LRRC8B: variants seen among roughly 807,000 people sequenced by gnomAD.
The protein encoded by LRRC8B is volume-regulated anion channel subunit LRRC8B.
In LRRC8B, 23 loss-of-function variants were observed where a neutral mutation model predicts 58.8. The observed-to-expected ratio is 0.39, with a 90% CI of 0.28 to 0.55. LRRC8B has a LOEUF of 0.55. Among genes scored for constraint, LRRC8B ranks in the 20% least tolerant of loss-of-function variants. The probability of loss-of-function intolerance (pLI) is 0.62; values close to 1 mark genes in which losing one functional copy is unlikely to be tolerated. For missense variants in LRRC8B, 694 were observed against 936.0 expected, an observed-to-expected ratio of 0.74 and a Z score of 3.37; for synonymous variants, 359 against 374.1, an observed-to-expected ratio of 0.96 and a Z score of 0.47.
intron 1 of LRRC8B, among the ~76,000 whole-genome samples, chr1:89,552,221 A>G (rs1419362781): frequency 6.6e-6 from 1 of 152,166 alleles, no homozygotes; most frequent in Non-Finnish European, 1.5e-5. Context: ...AGCTTACTCA[A>G]ATCCTGCTTA....
intron 4 of LRRC8B, among the ~76,000 whole-genome samples, chr1:89,581,358 AATG>A (rs1006070956): frequency 1.3e-5 from 2 of 152,012 alleles, no homozygotes; most frequent in African/African-American, 4.8e-5. Flanking sequence ...GCCCAGAATA[AATG>A]ATAAGACTTC....
intron 1 of LRRC8B, among the ~76,000 whole-genome samples, chr1:89,565,422 C>T (rs1230148819): frequency 6.6e-6 from 1 of 152,160 alleles, no homozygotes; most frequent in Non-Finnish European, 1.5e-5. Flanking sequence ...GACAGCAGTT[C>T]CCCATTCAGA....
At chr1:89,560,981 G>A (rs1435161455) in intron 1 of LRRC8B, among the ~76,000 whole-genome samples, 32 of 150,270 alleles carry the variant, frequency 2.1e-4, no homozygotes, top group Non-Finnish European at 3.6e-4. Flanking sequence ...CACAATGGTT[G>A]AACTAGTTTA....
At chr1:89,579,413 T>G (rs1407425986) in intron 3 of LRRC8B, among the ~76,000 whole-genome samples, 178 bp from the exon 4 acceptor site, 1 of 152,180 alleles carries the variant, frequency 6.6e-6, no homozygotes, top group Non-Finnish European at 1.5e-5. Context: ...GCACAGTGGC[T>G]CACACCTGTA....
intron 3 of LRRC8B, among the ~76,000 whole-genome samples, chr1:89,570,337 A>G (rs944015976): frequency 2.0e-5 from 3 of 152,212 alleles, no homozygotes; most frequent in African/African-American, 4.8e-5. Flanking sequence ...CACTCTCACC[A>G]ACAGTGTATA....
intron 1 of LRRC8B, among the ~76,000 whole-genome samples, chr1:89,545,139 C>A (rs1424130710): frequency 6.6e-6 from 1 of 152,132 alleles, no homozygotes. Context: ...TTCTTAATCC[C>A]ATCTGATCTC....
At chr1:89,547,765 A>AGCCTT (rs879466383) in intron 1 of LRRC8B, among the ~76,000 whole-genome samples, 1 of 148,452 alleles carries the variant, frequency 6.7e-6, no homozygotes, top group Non-Finnish European at 1.5e-5. Context: ...AATCCACTAG[A>AGCCTT]GCCTTCCCAA....
intron 5 of LRRC8B, among the ~76,000 whole-genome samples, chr1:89,585,608 T>C (rs376701750): frequency 2.0e-5 from 3 of 152,194 alleles, no homozygotes; most frequent in African/African-American, 7.2e-5. Context: ...ATTCCTCTAC[T>C]TGAAAATGGG....
intron 1 of LRRC8B, among the ~76,000 whole-genome samples, chr1:89,525,619 A>T (rs917526185): frequency 2.0e-5 from 3 of 152,220 alleles, no homozygotes; most frequent in African/African-American, 4.8e-5. Flanking sequence ...TTTAAGAAGA[A>T]GACTCAAGAG....
intron 1 of LRRC8B, among the ~76,000 whole-genome samples, chr1:89,543,973 A>T (rs1651216326): frequency 6.6e-6 from 1 of 151,330 alleles, no homozygotes; most frequent in Non-Finnish European, 1.5e-5. Context: ...ATTATTAATT[A>T]TTTGTAGAGA....
chr1:89,588,160 G>A (rs2101089489), intron 5 of LRRC8B: 1 of 152,286 alleles, frequency 6.6e-6, no homozygotes, highest in East Asian at 1.9e-4. Context: ...AGACTCATAA[G>A]GTAGGGAATT....
In LRRC8B at chr1:89,578,018, A is replaced by G. The variant is rs146258855; in HGVS notation, c.-124-1573A>G. ...GGACCTAAGTTCCAGTTGCAACTTTATTTCTTAGAGGTTTTGTCACCTTGG... is the reference window on the plus strand; with the variant it reads ...GGACCTAAGTTCCAGTTGCAACTTTGTTTCTTAGAGGTTTTGTCACCTTGG... On this transcript the variant is annotated intron_variant, in intron 3 of 5. Coordinates refer to ENST00000330947, the MANE Select transcript of LRRC8B (RefSeq NM_001369817.2). 1.5e-3 allele frequency among the ~76,000 whole-genome samples: 223 copies of G among 152,256 alleles called. 2 individuals are homozygous for G. Among genetic ancestry groups the G allele is most frequent in the African/African-American group, 4.7e-3 (195 of 41,556 alleles).
chr1:89,566,684 C>CA (rs756085421), intron 1 of LRRC8B, among the ~76,000 whole-genome samples: 2 of 152,180 alleles, frequency 1.3e-5, no homozygotes, highest in Non-Finnish European at 2.9e-5. Context: ...TTGTGCACTA[C>CA]AAAAAAGTTT....
At chr1:89,525,181 A>C (rs985791978) in intron 1 of LRRC8B, among the ~76,000 whole-genome samples, 159 bp downstream of exon 1, 5 of 152,234 alleles carry the variant, frequency 3.3e-5, no homozygotes, top group African/African-American at 1.2e-4. Flanking sequence ...GCGGGCCGGT[A>C]GCGCGGCTGC....
intron 5 of LRRC8B, among the ~76,000 whole-genome samples, 188 bp from the exon 6 acceptor site, chr1:89,592,583 C>T (rs1655051079): frequency 6.6e-6 from 1 of 152,112 alleles, no homozygotes; most frequent in African/African-American, 2.4e-5. Flanking sequence ...GTCCTCACTC[C>T]TCATTGTACT....
chr1:89,564,751 A>G (rs1416647283), intron 1 of LRRC8B, among the ~76,000 whole-genome samples: 2 of 152,214 alleles, frequency 1.3e-5, no homozygotes, highest in Admixed American at 6.5e-5. Flanking sequence ...TAATAGAACT[A>G]TCAGTATTCC....
rs1234105982 is a variant in LRRC8B at position 89,592,977 on chromosome 1, G to C, written c.2346G>C (p.Glu782Asp). ...SLKRNCLIVE[E>D]NLLNTLPLPV... is the part of the protein sequence containing the mutation. Reference sequence around the variant, plus strand: ...AACGGAACTGTCTGATTGTTGAGGAGAACTTGCTCAATACTCTTCCTCTCC... The same window carrying C: ...AACGGAACTGTCTGATTGTTGAGGACAACTTGCTCAATACTCTTCCTCTCC... The change falls in exon 6 of 6, where the codon GAG (glutamate) becomes GAC (aspartate). Residue 782 changes from glutamate to aspartate, a missense_variant. Physicochemically the swap from Glu to Asp is conservative, Grantham distance 45 (BLOSUM62 2). Coordinates refer to ENST00000330947, the MANE Select transcript of LRRC8B (RefSeq NM_001369817.2). The C allele has an allele frequency of 9.3e-6, 15 of 1,613,894 alleles. No individual in the cohort carries two copies. Among genetic ancestry groups the C allele is most frequent in the African/African-American group, 1.3e-5 (1 of 74,920 alleles).
chr1:89,562,027 AG>A (rs1652696617), intron 1 of LRRC8B, among the ~76,000 whole-genome samples: 1 of 152,140 alleles, frequency 6.6e-6, no homozygotes, highest in Admixed American at 6.5e-5. Context: ...TTATTACGAA[AG>A]TCTCAGGGAT....
At chr1:89,578,305 C>G (rs975394389) in intron 3 of LRRC8B, among the ~76,000 whole-genome samples, 1 of 152,146 alleles carries the variant, frequency 6.6e-6, no homozygotes, top group African/African-American at 2.4e-5. Flanking sequence ...GTTACAAATG[C>G]AGCCGCTATG....
Sources: gnomAD v4.1 joint callset for allele counts (sites outside exome capture counted in the v4.1 genomes callset) on GRCh38, gnomAD v4.1.1 for gene constraint, MANE v1.5 for transcripts, NCBI Gene and HGNC (gene_info 2026-07-23, HGNC 2026-07-21) for gene names.